SVEP1: variants seen among roughly 807,000 people sequenced by gnomAD.
SVEP1 encodes sushi, von Willebrand factor type A, EGF and pentraxin domain containing 1.
SVEP1 carries 164 observed loss-of-function variants against 367.3 expected under a neutral mutation model. The observed-to-expected ratio is 0.45, with a 90% CI of 0.39 to 0.51. The LOEUF (loss-of-function observed/expected upper bound fraction) is 0.51, where lower values mean the gene tolerates loss of function less well. SVEP1 is among the 20% of genes least tolerant of loss of function. The pLI, the probability that SVEP1 is intolerant of heterozygous loss-of-function variation, is 0.00. For synonymous variants in SVEP1, 1,666 were observed against 1,611.6 expected (o/e 1.03, Z -0.81); for missense variants, 4,117 against 4,425.3 (o/e 0.93, Z 1.98).
At position 110,451,312 on chromosome 9, in the gene SVEP1, C is replaced by A. The variant is rs1313021573; in HGVS notation, c.3878G>T (p.Cys1293Phe). 6.2e-7 allele frequency: 1 copy of A among 1,613,650 alleles called. No homozygotes were observed. Among genetic ancestry groups the A allele is most frequent in the Non-Finnish European group, 8.5e-7 (1 of 1,179,678 alleles). Residue 1293 changes from cysteine (C) to phenylalanine (F), a missense_variant, in exon 23 of 48, where the codon TGC (cysteine) becomes TTC (phenylalanine). This residue lies in a region of SVEP1 where 2,174 missense variants were observed against 2,494.3 expected (regional missense o/e 0.87). Transcript: ENST00000374469. ...ACCTACAAATCCTTTCACACATGTG[C>A]AACGATAGCCAGCCACACCATCAAC... The part of the protein sequence containing the change: ...ICVDGVAGYR[C>F]TCVKGFVGLH...
chr9:110,448,255 T>A (rs1340754399), intron 24 of SVEP1, among the ~76,000 whole-genome samples: 1 of 152,238 alleles, frequency 6.6e-6, no homozygotes, highest in African/African-American at 2.4e-5. Flanking sequence ...AAGATGTGAA[T>A]CAAATATGGC....
chr9:110,408,314 C>G lies in SVEP1; in HGVS notation c.7286G>C (p.Ser2429Thr). The change falls in exon 38 of 48, where the codon AGC (serine) becomes ACC (threonine). Residue 2429 changes from serine (S) to threonine (T), a missense_variant. Ser to Thr is a moderately conservative substitution (Grantham distance 58). Transcript: ENST00000374469. The stretch of plus-strand genomic sequence containing the variant: ...TGGAACACATTCTGGCAGTGGAGAG[C>G]TCCAGGTGCCATCAGGTTGGCAGAG... ...TTLCQPDGTW[S>T]SPLPECVPVE... is the part of the protein sequence containing the mutation. 3 of 1,613,902 alleles carry G rather than the reference C, an allele frequency of 1.9e-6. No homozygotes were observed. In the South Asian group the frequency reaches 3.3e-5, roughly 18 times the overall value.
chr9:110,515,455 C>A (rs1829787718), intron 3 of SVEP1, among the ~76,000 whole-genome samples: 1 of 152,058 alleles, frequency 6.6e-6, no homozygotes, highest in South Asian at 2.1e-4. Context: ...CACCCGCCAC[C>A]ACGCCTGGCT....
chr9:110,368,710 CATTTTCTT>C (rs1298771936), intron 47 of SVEP1, among the ~76,000 whole-genome samples: 4 of 152,128 alleles, frequency 2.6e-5, no homozygotes, highest in Non-Finnish European at 5.9e-5. Context: ...TTTTGGCTCT[CATTTTCTT>C]AAATTCAGCT....
rs1827991465 is a variant in SVEP1, at chr9:110,408,549, C to T, written c.7051G>A (p.Glu2351Lys). ...GAGGGGCCTTGCAGGACATGCCCTT[C>T]TTTACAGGAAAATGTCACAACTCCT... ...EVGVVTFSCK[E>K]GHVLQGPSVL... The change falls in exon 38 of 48, where the codon GAA (glutamate) becomes AAA (lysine). Residue 2351 changes from glutamate to lysine, a missense_variant. By Grantham distance (56) the Glu-to-Lys change is moderately conservative. Coordinates refer to ENST00000374469, the MANE Select transcript of SVEP1 (RefSeq NM_153366.4). 6.2e-7 allele frequency: 1 copy of T among 1,613,810 alleles called. No individual in the cohort carries two copies. The highest frequency in any genetic ancestry group is 8.5e-7 in the Non-Finnish European group (1 of 1,179,880).
chr9:110,431,798 C>T, intron 32 of SVEP1, 117 bp downstream of exon 32: 1 of 1,328,982 alleles, frequency 7.5e-7, no homozygotes, highest in African/African-American at 1.5e-5. Flanking sequence ...TATCTGCCTA[C>T]CTGTATGCCC....
chr9:110,378,504 TG>T (rs1166050319), intron 44 of SVEP1, among the ~76,000 whole-genome samples: 1 of 152,236 alleles, frequency 6.6e-6, no homozygotes, highest in Non-Finnish European at 1.5e-5. Context: ...ATTAGCCCTT[TG>T]TCAGATGAGT....
intron 3 of SVEP1, among the ~76,000 whole-genome samples, chr9:110,522,234 T>A (rs566248270): frequency 6.6e-6 from 1 of 152,138 alleles, no homozygotes; most frequent in Non-Finnish European, 1.5e-5. Context: ...TTCAGACTTG[T>A]GTAGGCCCAA....
Position 110,387,392 on chromosome 9 carries a change from CCAGTCGTCCTGTTTT to C in SVEP1, c.9938_9952del (p.Glu3313_Thr3317del). ...GTTGCAGGAATATACCACGTTGGGT[CCAGTCGTCCTGTTTT>C]CAATGTCAGCTTTCCCATTGAGAAA... is the stretch of plus-strand genomic sequence containing the variant. On this transcript the variant is annotated inframe_deletion, in exon 42 of 48. Transcript: ENST00000374469. 2.5e-6 allele frequency: 4 copies of C among 1,613,508 alleles called. No homozygotes were observed. Among genetic ancestry groups the C allele is most frequent in the Non-Finnish European group, 3.4e-6 (4 of 1,179,792 alleles).
chr9:110,394,776 A>G (rs1827730009), intron 40 of SVEP1, among the ~76,000 whole-genome samples: 1 of 152,232 alleles, frequency 6.6e-6, no homozygotes, highest in African/African-American at 2.4e-5. Context: ...AATGAATGAA[A>G]TGAAGCAAGA....
intron 3 of SVEP1, 26 bp downstream of exon 3, chr9:110,546,089 C>T (rs901167073): frequency 5.0e-5 from 78 of 1,548,770 alleles, no homozygotes; most frequent in Non-Finnish European, 6.5e-5. Context: ...CAACAGACAA[C>T]TGATATACAC....
rs1828415340 is a variant in SVEP1, at chr9:110,435,232, A to G, written c.4888+9T>C. The G allele has an allele frequency of 6.2e-7, 1 of 1,611,872 alleles. No homozygotes were observed. Among genetic ancestry groups the G allele is most frequent in the Admixed American group, 1.7e-5 (1 of 59,920 alleles). On this transcript the variant is annotated intron_variant, in intron 29 of 47. Transcript: ENST00000374469. ...GATAGTGGAGTCTATGAAAGAAGGAAATTCTCACCAGAACAAAATATGCTC... is the reference window on the plus strand; with the variant it reads ...GATAGTGGAGTCTATGAAAGAAGGAGATTCTCACCAGAACAAAATATGCTC...
chr9:110,400,043 C>T (rs753743471), intron 40 of SVEP1, among the ~76,000 whole-genome samples: 1 of 152,156 alleles, frequency 6.6e-6, no homozygotes, highest in Non-Finnish European at 1.5e-5. Flanking sequence ...TATTACAAAG[C>T]AACAGCTGTC....
chr9:110,446,606 C>T (rs763460202), intron 25 of SVEP1, among the ~76,000 whole-genome samples: 69 of 152,284 alleles, frequency 4.5e-4, no homozygotes, highest in Non-Finnish European at 8.1e-4. Context: ...TGAAGTCAAG[C>T]GGCTTATCAA....
chr9:110,448,164 C>T (rs148849296), intron 24 of SVEP1, among the ~76,000 whole-genome samples: 6 of 32,906 alleles, frequency 1.8e-4, no homozygotes, highest in East Asian at 5.7e-3. Context: ...TGTGTGTGTG[C>T]GCGCGCTCGC....
rs540057424 is a variant in SVEP1, at chr9:110,385,365, T to C, written c.10237+533A>G. Among the ~76,000 whole-genome samples the C allele has an allele frequency of 1.1e-3, 171 of 152,330 alleles. 1 individual carries two copies. The highest frequency in any genetic ancestry group is 3.9e-3 in the African/African-American group (164 of 41,582). On this transcript the variant is annotated intron_variant, in intron 43 of 47. Coordinates refer to ENST00000374469, the MANE Select transcript of SVEP1 (RefSeq NM_153366.4). ...CAAGGCTGAAAAAGATGCCTCCAGA[T>C]TGCATAAATGGAGTAACAAAGCGCT...
chr9:110,503,418 A>G (rs1829571720), intron 5 of SVEP1, among the ~76,000 whole-genome samples: 1 of 152,206 alleles, frequency 6.6e-6, no homozygotes, highest in Non-Finnish European at 1.5e-5. Context: ...TTGCCTAAAT[A>G]ATATCATCGC....
chr9:110,406,893 C>A lies in SVEP1; in HGVS notation c.8707G>T (p.Glu2903Ter), dbSNP rs776403257. Residue 2903 changes from glutamate to a stop codon, truncating the protein, a stop_gained, in exon 38 of 48, where the codon GAA (glutamate) becomes TAA (stop). Transcript: ENST00000374469. LOFTEE classifies it high-confidence loss of function. The part of the protein sequence containing the change: ...TPPQLANGVT[E>*]GLDYGFMKEV... The stretch of plus-strand genomic sequence containing the variant: ...TTCATGAAGCCATAGTCCAGGCCTT[C>A]CGTCACCCCATTGGCCAGTTGTGGC... 6.2e-7 allele frequency: 1 copy of A among 1,613,982 alleles called. No homozygotes were observed. Among genetic ancestry groups the A allele is most frequent in the Non-Finnish European group, 8.5e-7 (1 of 1,179,890 alleles).
intron 36 of SVEP1, among the ~76,000 whole-genome samples, chr9:110,424,761 G>A (rs373148732): frequency 2.0e-5 from 3 of 152,068 alleles, no homozygotes; most frequent in Non-Finnish European, 4.4e-5. Context: ...TGCAACCTCC[G>A]CCTCTGAGGT....
Sources: gnomAD v4.1 joint callset for allele counts (sites outside exome capture counted in the v4.1 genomes callset) on GRCh38, gnomAD v4.1.1 for gene constraint, gnomAD v4.1.1 regional missense constraint, MANE v1.5 for transcripts, NCBI Gene and HGNC (gene_info 2026-07-23, HGNC 2026-07-21) for gene names.